Variants in NAALADL2 observed in about 807,000 individuals in gnomAD.
NAALADL2 encodes the protein inactive N-acetylated-alpha-linked acidic dipeptidase-like protein 2.
NAALADL2 carries 76 observed loss-of-function variants against 87.2 expected under a neutral mutation model. That is an observed-to-expected ratio of 0.87 (90% CI 0.72 to 1.05). NAALADL2 has a LOEUF of 1.05. NAALADL2 is among the 50% of genes least tolerant of loss of function. The probability of loss-of-function intolerance (pLI) is 0.00; values close to 1 mark genes in which losing one functional copy is unlikely to be tolerated. For synonymous variants in NAALADL2, 354 were observed against 331.0 expected (o/e 1.07, Z -0.75); for missense variants, 1,089 against 945.8 (o/e 1.15, Z -1.99).
intron 1 of NAALADL2, among the ~76,000 whole-genome samples, chr3:175,069,299 T>A (rs1229398925): frequency 1.3e-5 from 2 of 149,382 alleles, no homozygotes; most frequent in Non-Finnish European, 2.9e-5. Flanking sequence ...TACAATGAAC[T>A]CAAACAAATT....
At chr3:174,988,614 T>C (rs978817079) in intron 1 of NAALADL2, among the ~76,000 whole-genome samples, 47 of 152,188 alleles carry the variant, frequency 3.1e-4, no homozygotes, top group African/African-American at 1.1e-3. Flanking sequence ...ATATTCCCTC[T>C]GAAGGCACTA....
At chr3:174,738,603 A>C (rs1733451591) in intron 3 of NAALADL2, among the ~76,000 whole-genome samples, 1 of 152,152 alleles carries the variant, frequency 6.6e-6, no homozygotes, top group South Asian at 2.1e-4. Flanking sequence ...TGGTCAAAGA[A>C]ATAAGTTGGG....
intron 1 of NAALADL2, among the ~76,000 whole-genome samples, chr3:175,069,267 C>T (rs1715132468): frequency 6.7e-6 from 1 of 149,682 alleles, no homozygotes; most frequent in Non-Finnish European, 1.5e-5. Context: ...ACTCATCTGA[C>T]AAAGGGCTAA....
intron 2 of NAALADL2, among the ~76,000 whole-genome samples, chr3:174,600,444 T>A (rs1021476808): frequency 1.3e-5 from 2 of 152,146 alleles, no homozygotes; most frequent in African/African-American, 4.8e-5. Context: ...TTTTCAGATA[T>A]ATATATTGAT....
intron 3 of NAALADL2, among the ~76,000 whole-genome samples, chr3:174,788,977 T>A (rs577301135): frequency 6.6e-6 from 1 of 152,316 alleles, no homozygotes; most frequent in Non-Finnish European, 1.5e-5. Context: ...TGAGAGAAGT[T>A]TGTGTGATAG....
chr3:175,292,953 C>G (rs998767123), intron 4 of NAALADL2, among the ~76,000 whole-genome samples: 1 of 138,206 alleles, frequency 7.2e-6, no homozygotes, highest in Non-Finnish European at 1.5e-5. Context: ...AGGAGAATGG[C>G]GTGAACCCGG....
At chr3:174,786,016 T>G (rs73174743) in intron 3 of NAALADL2, among the ~76,000 whole-genome samples, 2,297 of 152,280 alleles carry the variant, frequency 0.015, 33 homozygotes, top group Non-Finnish European at 0.024. Flanking sequence ...CATGATTAGC[T>G]GTGGCATCTT....
chr3:174,843,502 G>A (rs1724253567), intron 3 of NAALADL2, among the ~76,000 whole-genome samples: 1 of 152,050 alleles, frequency 6.6e-6, no homozygotes, highest in African/African-American at 2.4e-5. Flanking sequence ...AATAAACATG[G>A]GAGTTAAGAC....
chr3:174,531,760 T>G (rs1721261529), intron 1 of NAALADL2, among the ~76,000 whole-genome samples: 1 of 152,162 alleles, frequency 6.6e-6, no homozygotes, highest in Non-Finnish European at 1.5e-5. Context: ...CCCTCTAGTG[T>G]GTGTTAATCA....
At chr3:174,796,047 G>A (rs1385346038) in intron 3 of NAALADL2, among the ~76,000 whole-genome samples, 1 of 152,138 alleles carries the variant, frequency 6.6e-6, no homozygotes, top group Non-Finnish European at 1.5e-5. Context: ...AGGTAATTAA[G>A]ATCAATCAGG....
chr3:175,687,150 A>G (rs1396652114), intron 11 of NAALADL2, among the ~76,000 whole-genome samples: 1 of 152,190 alleles, frequency 6.6e-6, no homozygotes, highest in Non-Finnish European at 1.5e-5. Context: ...GGCAAATTTG[A>G]CTTTAAACTC....
At chr3:175,185,932 T>C (rs550531741) in intron 2 of NAALADL2, among the ~76,000 whole-genome samples, 22 of 152,122 alleles carry the variant, frequency 1.4e-4, no homozygotes, top group Admixed American at 1.1e-3. Context: ...TTATTGCTTT[T>C]AATTTGAAAA....
chr3:175,013,297 A>ATG (rs1293274493), intron 1 of NAALADL2, among the ~76,000 whole-genome samples: 1 of 77,562 alleles, frequency 1.3e-5, no homozygotes, highest in Non-Finnish European at 2.2e-5. Context: ...ATATATATAT[A>ATG]TATATTTTTT....
intron 2 of NAALADL2, among the ~76,000 whole-genome samples, chr3:174,708,437 C>T (rs1730306096): frequency 1.3e-5 from 2 of 152,102 alleles, no homozygotes; most frequent in Admixed American, 1.3e-4. Context: ...ATCATTTATT[C>T]CACTTTTTAG....
chr3:175,384,967 A>G (rs1441299711), intron 5 of NAALADL2, among the ~76,000 whole-genome samples: 1 of 152,080 alleles, frequency 6.6e-6, no homozygotes, highest in South Asian at 2.1e-4. Context: ...TATTTAGGTC[A>G]TGTTGAACAG....
At chr3:175,220,873 G>T (rs1459836131) in intron 2 of NAALADL2, among the ~76,000 whole-genome samples, 1 of 152,056 alleles carries the variant, frequency 6.6e-6, no homozygotes, top group Non-Finnish European at 1.5e-5. Flanking sequence ...CGCAAGTACT[G>T]TTAGGTATGT....
chr3:174,847,413 G>A (rs1372393586), intron 3 of NAALADL2, among the ~76,000 whole-genome samples: 1 of 152,082 alleles, frequency 6.6e-6, no homozygotes, highest in Non-Finnish European at 1.5e-5. Flanking sequence ...ATATCATGTT[G>A]CAAACTTTAT....
At chr3:175,008,589 A>G (rs575840504) in intron 1 of NAALADL2, among the ~76,000 whole-genome samples, 32 of 152,294 alleles carry the variant, frequency 2.1e-4, no homozygotes, top group African/African-American at 7.7e-4. Context: ...ATACTAAGTA[A>G]AGAGAATCAC....
At chr3:175,101,697 T>A (rs1722217625) in intron 2 of NAALADL2, among the ~76,000 whole-genome samples, 1 of 152,228 alleles carries the variant, frequency 6.6e-6, no homozygotes, top group South Asian at 2.1e-4. Context: ...TTTGAAAATA[T>A]AATATTGTAA....
Sources: allele counts gnomAD v4.1 joint callset (sites outside exome capture counted in the v4.1 genomes callset), GRCh38; gene constraint gnomAD v4.1.1; transcripts MANE v1.5; gene names NCBI Gene and HGNC (gene_info 2026-07-23, HGNC 2026-07-21).